ZDHHC14: variants seen among roughly 807,000 people sequenced by gnomAD.
ZDHHC14 encodes palmitoyltransferase ZDHHC14.
Under a neutral mutation model 47.7 loss-of-function variants are expected in ZDHHC14, and 16 were observed. That is an observed-to-expected ratio of 0.34 (90% CI 0.23 to 0.51). The LOEUF (loss-of-function observed/expected upper bound fraction) is 0.51, where lower values mean the gene tolerates loss of function less well. ZDHHC14 is among the 20% of genes least tolerant of loss of function. The pLI is 0.97. For synonymous variants in ZDHHC14, 293 were observed against 278.9 expected, an observed-to-expected ratio of 1.05 and a Z score of -0.50; for missense variants, 515 against 662.5, an observed-to-expected ratio of 0.78 and a Z score of 2.44.
chr6:157,662,071 C>T (rs1432316959), intron 8 of ZDHHC14, among the ~76,000 whole-genome samples: 1 of 152,124 alleles, frequency 6.6e-6, no homozygotes, highest in Non-Finnish European at 1.5e-5. Context: ...TTATTGTCCC[C>T]AGACATGGCA....
intron 4 of ZDHHC14, chr6:157,630,782 C>A (rs1027229213): frequency 1.3e-5 from 2 of 152,000 alleles, no homozygotes; most frequent in African/African-American, 4.9e-5. Flanking sequence ...CACACCCACA[C>A]ACATACCCTT....
chr6:157,614,904 G>T (rs936356122), intron 3 of ZDHHC14, among the ~76,000 whole-genome samples: 1 of 151,906 alleles, frequency 6.6e-6, no homozygotes, highest in Non-Finnish European at 1.5e-5. Context: ...CCAGCTAGCT[G>T]GGATTACAGG....
At chr6:157,654,672 G>A (rs1052737864) in intron 8 of ZDHHC14, among the ~76,000 whole-genome samples, 11 of 151,964 alleles carry the variant, frequency 7.2e-5, no homozygotes, top group South Asian at 2.1e-4. Context: ...TGGGGTTTAC[G>A]TGTTGGTGGT....
chr6:157,678,075 GT>G lies in ZDHHC14; in HGVS notation c.*4956del, dbSNP rs1457852419. ...AAGTGCCTTTCATGTTTTAATCAAT[GT>G]TTGCAGAATTTATCTTAAACCTGAG... is the stretch of plus-strand genomic sequence containing the variant. On this transcript the variant is annotated 3_prime_UTR_variant, in exon 9 of 9. Coordinates refer to ENST00000359775, the MANE Select transcript of ZDHHC14 (RefSeq NM_024630.3). 2 of 152,110 alleles carry G rather than the reference GT, an allele frequency of 1.3e-5. No individual in the cohort carries two copies. The highest frequency in any genetic ancestry group is 6.6e-5 in the Admixed American group (1 of 15,260). The allele number at this position is 152,110 out of a possible 1,614,324, so 9.4% of individuals were successfully genotyped here. A position where few individuals can be genotyped will look rare whatever the true frequency, so the allele number is the denominator to read the frequency against.
intron 3 of ZDHHC14, among the ~76,000 whole-genome samples, chr6:157,624,603 G>C (rs951545913): frequency 2.6e-5 from 4 of 152,188 alleles, no homozygotes; most frequent in Non-Finnish European, 5.9e-5. Context: ...CTCAGTAAAG[G>C]CAGTGTAGCA....
At chr6:157,482,045 C>G (rs1460826627) in intron 1 of ZDHHC14, among the ~76,000 whole-genome samples, 1 of 152,068 alleles carries the variant, frequency 6.6e-6, no homozygotes, top group East Asian at 1.9e-4. Context: ...ATAACTTGAT[C>G]AGTTCTTTCC....
intron 3 of ZDHHC14, among the ~76,000 whole-genome samples, chr6:157,593,501 T>G (rs112741834): frequency 2.3e-4 from 35 of 152,246 alleles, no homozygotes; most frequent in African/African-American, 7.9e-4. Context: ...TGTGCAGTTG[T>G]TTGTCCCAGC....
At chr6:157,434,354 C>T (rs777142926) in intron 1 of ZDHHC14, among the ~76,000 whole-genome samples, 5 of 151,868 alleles carry the variant, frequency 3.3e-5, no homozygotes, top group East Asian at 3.9e-4. Context: ...TCCTGCCAGC[C>T]GGCCGAGAAC....
At chr6:157,500,442 A>G (rs1780168038) in intron 1 of ZDHHC14, among the ~76,000 whole-genome samples, 1 of 152,202 alleles carries the variant, frequency 6.6e-6, no homozygotes, top group African/African-American at 2.4e-5. Context: ...GCTGCTGTGT[A>G]GAGAGTGGGA....
At chr6:157,408,891 C>T (rs944859797) in intron 1 of ZDHHC14, among the ~76,000 whole-genome samples, 3 of 152,196 alleles carry the variant, frequency 2.0e-5, no homozygotes, top group South Asian at 4.1e-4. Flanking sequence ...CACTGTCTTC[C>T]TCCCTGCTTA....
chr6:157,622,120 C>T (rs1785215298), intron 3 of ZDHHC14, among the ~76,000 whole-genome samples: 1 of 150,900 alleles, frequency 6.6e-6, no homozygotes, highest in South Asian at 2.1e-4. Flanking sequence ...CCTGTAATCC[C>T]AGCACTTTGG....
intron 1 of ZDHHC14, among the ~76,000 whole-genome samples, chr6:157,422,805 G>A (rs1778138299): frequency 2.6e-5 from 4 of 152,088 alleles, no homozygotes; most frequent in Admixed American, 6.6e-5. Flanking sequence ...TTTAAATTTT[G>A]TACCTTTTTA....
intron 3 of ZDHHC14, among the ~76,000 whole-genome samples, chr6:157,601,529 G>C (rs529654680): frequency 2.4e-4 from 37 of 152,130 alleles, no homozygotes; most frequent in African/African-American, 8.5e-4. Context: ...CTATGTATCA[G>C]TTAGGAATTG....
intron 8 of ZDHHC14, among the ~76,000 whole-genome samples, chr6:157,657,730 C>G (rs1778167186): frequency 6.6e-6 from 1 of 152,208 alleles, no homozygotes; most frequent in Admixed American, 6.5e-5. Context: ...ATTGTATAGT[C>G]AAGTCCCCTA....
chr6:157,584,241 T>A (rs1230106772), intron 2 of ZDHHC14, among the ~76,000 whole-genome samples: 1 of 152,120 alleles, frequency 6.6e-6, no homozygotes, highest in Non-Finnish European at 1.5e-5. Flanking sequence ...CCAGGGACTC[T>A]ACTTGTTGAA....
intron 1 of ZDHHC14, among the ~76,000 whole-genome samples, chr6:157,491,676 A>G (rs1779920168): frequency 6.6e-6 from 1 of 152,182 alleles, no homozygotes; most frequent in South Asian, 2.1e-4. Context: ...TTTGGCTGGG[A>G]GTCCCCAGGC....
intron 1 of ZDHHC14, among the ~76,000 whole-genome samples, chr6:157,505,936 G>A (rs998930092): frequency 5.3e-5 from 8 of 152,196 alleles, no homozygotes; most frequent in East Asian, 1.9e-4. Flanking sequence ...AATGCAGCTC[G>A]GTCAATGAGA....
chr6:157,635,167 A>G (rs1197826241), intron 5 of ZDHHC14, among the ~76,000 whole-genome samples: 1 of 152,076 alleles, frequency 6.6e-6, no homozygotes, highest in Admixed American at 6.5e-5. Context: ...GCTAATTTTT[A>G]TATTTTAAGT....
intron 1 of ZDHHC14, among the ~76,000 whole-genome samples, chr6:157,434,120 A>G (rs948664099): frequency 4.6e-5 from 7 of 152,166 alleles, no homozygotes; most frequent in African/African-American, 1.7e-4. Context: ...CATAACCGCC[A>G]ACAACAAAAA....
Sources: gnomAD v4.1 joint callset for allele counts (sites outside exome capture counted in the v4.1 genomes callset) on GRCh38, gnomAD v4.1.1 for gene constraint, MANE v1.5 for transcripts, NCBI Gene and HGNC (gene_info 2026-07-23, HGNC 2026-07-21) for gene names.